ERICH5: variants seen among roughly 807,000 people sequenced by gnomAD.
The protein encoded by ERICH5 is glutamate rich 5.
A neutral mutation model predicts 28.0 loss-of-function variants in ERICH5; 24 were observed. That is an observed-to-expected ratio of 0.86 (90% CI 0.62 to 1.21). The LOEUF (loss-of-function observed/expected upper bound fraction) is 1.21, where lower values mean the gene tolerates loss of function less well. ERICH5 is among the 50% of genes most tolerant of loss of function. The pLI is 0.00. For missense variants in ERICH5, 421 were observed against 441.2 expected (o/e 0.95, Z 0.41); for synonymous variants, 163 against 157.6 (o/e 1.03, Z -0.25).
At chr8:98,093,101 G>A in intron 2 of ERICH5, 120 bp from the exon 3 acceptor site, 1 of 629,740 alleles carries the variant, frequency 1.6e-6, no homozygotes, top group Non-Finnish European at 2.7e-6. Context: ...GATACCCCCA[G>A]AGAAACTTAC....
chr8:98,088,278 AC>A (rs1815315732), intron 1 of ERICH5, among the ~76,000 whole-genome samples: 1 of 152,152 alleles, frequency 6.6e-6, no homozygotes, highest in African/African-American at 2.4e-5. Context: ...TATCCAACTC[AC>A]TTTTGCATCT....
chr8:98,080,179 T>C (rs187400485), intron 1 of ERICH5, among the ~76,000 whole-genome samples: 4 of 152,332 alleles, frequency 2.6e-5, no homozygotes, highest in Non-Finnish European at 5.9e-5. Flanking sequence ...CCTTTTCATG[T>C]CAGATACCAT....
chr8:98,083,462 C>T (rs1815216985), intron 1 of ERICH5, among the ~76,000 whole-genome samples: 2 of 151,780 alleles, frequency 1.3e-5, no homozygotes, highest in East Asian at 1.9e-4. Context: ...GAAAAATAGC[C>T]CTCCCCTCAA....
intron 1 of ERICH5, among the ~76,000 whole-genome samples, chr8:98,066,144 A>G (rs1814816544): frequency 6.6e-6 from 1 of 152,236 alleles, no homozygotes; most frequent in Admixed American, 6.5e-5. Context: ...CAGAGCTTCC[A>G]TACCTGCAAC....
At chr8:98,086,228 A>G (rs1815274987) in intron 1 of ERICH5, among the ~76,000 whole-genome samples, 2 of 152,186 alleles carry the variant, frequency 1.3e-5, no homozygotes, top group African/African-American at 4.8e-5. Context: ...GGAGTTTAGG[A>G]AGCAGACAGA....
At chr8:98,072,884 G>T (rs2130510903) in intron 1 of ERICH5, among the ~76,000 whole-genome samples, 1 of 152,058 alleles carries the variant, frequency 6.6e-6, no homozygotes, top group Admixed American at 6.6e-5. Context: ...TGATTTTTGT[G>T]TGTGTGCCTG....
rs866440830 is a variant in ERICH5 at position 98,089,143 on chromosome 8, T to G, written c.126T>G (p.His42Gln). Residue 42 changes from histidine (H) to glutamine (Q), a missense_variant, in exon 2 of 3, where the codon CAT becomes CAG. His to Gln is a conservative substitution (Grantham distance 24). Transcript: ENST00000318528. The stretch of plus-strand genomic sequence containing the variant: ...CCTGCTTTGCCCAACCAAAGCCACA[T>G]GCACTGGGAAGAGAATCTACTGTTG... ...SESCFAQPKP[H>Q]ALGRESTVDG... The G allele has an allele frequency of 6.2e-6, 10 of 1,614,208 alleles. No homozygotes were observed. Among genetic ancestry groups the G allele is most frequent in the Middle Eastern group, 3.3e-4 (2 of 6,062 alleles).
intron 1 of ERICH5, among the ~76,000 whole-genome samples, chr8:98,080,198 A>G (rs927395354): frequency 6.6e-6 from 1 of 152,228 alleles, no homozygotes; most frequent in Non-Finnish European, 1.5e-5. Context: ...ATGCTGGGCA[A>G]ATTACACACA....
Position 98,089,310 on chromosome 8 carries a change from C to T in ERICH5, c.293C>T (p.Ser98Leu), listed in dbSNP as rs747202801. 1.9e-6 allele frequency: 3 copies of T among 1,614,230 alleles called. No individual in the cohort carries two copies. The highest frequency in any genetic ancestry group is 1.1e-5 in the South Asian group (1 of 91,080). Residue 98 changes from serine to leucine, a missense_variant, in exon 2 of 3, where the codon TCA becomes TTA. Transcript: ENST00000318528. The part of the protein sequence containing the change: ...VAPGRDATDQ[S>L]GSTEKTQPGE... ...CCTGGAAGGGATGCCACAGACCAAT[C>T]AGGGTCCACAGAAAAGACTCAGCCT...
At position 98,089,510 on chromosome 8, in the gene ERICH5, G is replaced by C; in HGVS notation, c.493G>C (p.Val165Leu). Residue 165 changes from valine to leucine, a missense_variant, in exon 2 of 3, where the codon GTA (valine) becomes CTA (leucine). Val to Leu is a conservative substitution (Grantham distance 32). Transcript: ENST00000318528. The stretch of plus-strand genomic sequence containing the variant: ...CAAGGGTCAGCCTTTGCAGGCAGCA[G>C]TAGAGAAGGACTCTCTCAGAGCAGT... Reference protein sequence around the residue: ...EAKGQPLQAAVEKDSLRAVEV... With the variant: ...EAKGQPLQAALEKDSLRAVEV... 1 of 1,614,198 alleles carries C rather than the reference G, an allele frequency of 6.2e-7. No individual in the cohort carries two copies. The highest frequency in any genetic ancestry group is 8.5e-7 in the Non-Finnish European group (1 of 1,180,038).
At chr8:98,074,670 T>G (rs1387567165) in intron 1 of ERICH5, among the ~76,000 whole-genome samples, 1 of 152,160 alleles carries the variant, frequency 6.6e-6, no homozygotes, top group Admixed American at 6.5e-5. Flanking sequence ...GCTATAATTT[T>G]TAAAAATAAA....
rs769334285 is a variant in ERICH5 at position 98,064,689 on chromosome 8, CCCT to C, written c.22_24del (p.Leu8del). On this transcript the variant is annotated inframe_deletion, in exon 1 of 3. Transcript: ENST00000318528. ...CCCGCAATGGGCTGCTCCAGCAGCG[CCCT>C]CAACAAGGCCGGCGACAGCAGCAGG... 8.3e-5 allele frequency: 127 copies of C among 1,536,444 alleles called. No homozygotes were observed. Among genetic ancestry groups the C allele is most frequent in the Non-Finnish European group, 2.3e-5 (26 of 1,143,586 alleles).
chr8:98,069,917 TAAG>T (rs749700059), intron 1 of ERICH5, among the ~76,000 whole-genome samples: 10 of 152,304 alleles, frequency 6.6e-5, no homozygotes, highest in East Asian at 5.8e-4. Flanking sequence ...AGTCAGGAGA[TAAG>T]GAGGGAGCAT....
At chr8:98,075,494 A>G (rs989489269) in intron 1 of ERICH5, among the ~76,000 whole-genome samples, 2 of 152,100 alleles carry the variant, frequency 1.3e-5, no homozygotes, top group Non-Finnish European at 2.9e-5. Context: ...CCTTTGCTTA[A>G]TGTGATCTAT....
chr8:98,091,900 C>CTTTCTTCCTTCCTTTCTTTCTTT, intron 2 of ERICH5, among the ~76,000 whole-genome samples: 2 of 74,676 alleles, frequency 2.7e-5, no homozygotes, highest in African/African-American at 1.1e-4. Flanking sequence ...TTCTTTCTTT[C>CTTTCTTCCTTCCTTTCTTTCTTT]CTTTCTTTCT....
In ERICH5 at chr8:98,089,753, C is replaced by T. The variant is rs201678120; in HGVS notation, c.736C>T (p.Gln246Ter). The change falls in exon 2 of 3, where the codon CAG becomes TAG. Residue 246 changes from glutamine (Q) to a stop codon, truncating the protein, a stop_gained. Coordinates refer to ENST00000318528, the MANE Select transcript of ERICH5 (RefSeq NM_173549.3). LOFTEE classifies it high-confidence loss of function. Reference sequence around the variant, plus strand: ...GGAAACAGCTGAAGAGCAGCAACTTCAGGCAACATTGGGAAAAGAGGAGCA... The same window carrying T: ...GGAAACAGCTGAAGAGCAGCAACTTTAGGCAACATTGGGAAAAGAGGAGCA... ...FVETAEEQQL[Q>*]ATLGKEEQPQ... The T allele has an allele frequency of 2.9e-5, 47 of 1,614,162 alleles. No individual in the cohort carries two copies. Among genetic ancestry groups the T allele is most frequent in the Admixed American group, 1.8e-4 (11 of 60,024 alleles).
At position 98,064,696 on chromosome 8, in the gene ERICH5, C is replaced by A. The variant is rs1381805181; in HGVS notation, c.27C>A (p.Asn9Lys). ...TGGGCTGCTCCAGCAGCGCCCTCAA[C>A]AAGGCCGGCGACAGCAGCAGGTTCC... is the stretch of plus-strand genomic sequence containing the variant. MGCSSSAL[N>K]KAGDSSRFPS... The change falls in exon 1 of 3, where the codon AAC becomes AAA. Residue 9 changes from asparagine to lysine, a missense_variant. By Grantham distance (94) the Asn-to-Lys change is moderately conservative. Coordinates refer to ENST00000318528, the MANE Select transcript of ERICH5 (RefSeq NM_173549.3). 3.9e-6 allele frequency: 6 copies of A among 1,536,614 alleles called. No individual in the cohort carries two copies. The Admixed American group carries it at 9.8e-5, about 25-fold the overall frequency.
chr8:98,066,119 T>G (rs1814815457), intron 1 of ERICH5, among the ~76,000 whole-genome samples: 1 of 152,202 alleles, frequency 6.6e-6, no homozygotes, highest in South Asian at 2.1e-4. Flanking sequence ...TCACTAACTT[T>G]TCTCCTAAAG....
intron 1 of ERICH5, among the ~76,000 whole-genome samples, chr8:98,088,717 GA>G (rs1261619984): frequency 6.6e-6 from 1 of 152,170 alleles, no homozygotes; most frequent in East Asian, 1.9e-4. Flanking sequence ...TTTTAAAAAG[GA>G]AACCTTCTAA....
Sources: allele counts gnomAD v4.1 joint callset (sites outside exome capture counted in the v4.1 genomes callset), GRCh38; gene constraint gnomAD v4.1.1; transcripts MANE v1.5; gene names NCBI Gene and HGNC (gene_info 2026-07-23, HGNC 2026-07-21).